Variants in DSCAML1 observed in about 807,000 individuals in gnomAD.
DSCAML1 encodes the protein DS cell adhesion molecule like 1, also known as cell adhesion molecule DSCAML1.
A neutral mutation model predicts 200.5 loss-of-function variants in DSCAML1; 38 were observed. That is an observed-to-expected ratio of 0.19 (90% CI 0.15 to 0.25). DSCAML1 has a LOEUF of 0.25. Ranked by LOEUF, DSCAML1 falls within the 10% of genes least tolerant of loss-of-function variation. The probability of loss-of-function intolerance (pLI) is 1.00; values close to 1 mark genes in which losing one functional copy is unlikely to be tolerated. For synonymous variants in DSCAML1, 1,215 were observed against 1,165.0 expected (o/e 1.04, Z -0.87); for missense variants, 2,223 against 2,858.8 (o/e 0.78, Z 5.07).
intron 3 of DSCAML1, among the ~76,000 whole-genome samples, chr11:117,742,961 G>T (rs567367042): frequency 2.8e-4 from 43 of 151,950 alleles, no homozygotes; most frequent in Non-Finnish European, 4.4e-4. Flanking sequence ...TCTCCCATGT[G>T]TCCCTTCTGG....
chr11:117,583,311 G>C (rs911742577), intron 3 of DSCAML1, among the ~76,000 whole-genome samples: 2 of 152,048 alleles, frequency 1.3e-5, no homozygotes, highest in Admixed American at 6.6e-5. Flanking sequence ...TGCCAGGCAG[G>C]TCTTAAACAT....
chr11:117,473,634 C>T (rs1175186519), intron 14 of DSCAML1, among the ~76,000 whole-genome samples: 1 of 152,224 alleles, frequency 6.6e-6, no homozygotes, highest in African/African-American at 2.4e-5. Flanking sequence ...CAAAACACCA[C>T]TTATAGCTGC....
intron 3 of DSCAML1, among the ~76,000 whole-genome samples, chr11:117,687,503 C>T (rs2053423979): frequency 6.8e-6 from 1 of 147,804 alleles, no homozygotes; most frequent in Non-Finnish European, 1.5e-5. Context: ...TGGGCTCAAG[C>T]AATTCTCCTG....
At chr11:117,754,795 A>G (rs920239862) in intron 3 of DSCAML1, among the ~76,000 whole-genome samples, 3 of 152,088 alleles carry the variant, frequency 2.0e-5, no homozygotes, top group Admixed American at 6.6e-5. Context: ...ATAGAAAATC[A>G]CAGCTTCCAA....
chr11:117,757,608 AC>A (rs2054718385), intron 3 of DSCAML1, among the ~76,000 whole-genome samples: 1 of 144,660 alleles, frequency 6.9e-6, no homozygotes, highest in Non-Finnish European at 1.5e-5. Flanking sequence ...ACACACACAC[AC>A]ACACACACAC....
chr11:117,672,110 A>AAG (rs1408382051), intron 3 of DSCAML1, among the ~76,000 whole-genome samples: 1 of 136,808 alleles, frequency 7.3e-6, no homozygotes, highest in Non-Finnish European at 1.7e-5. Context: ...CAGAAAAAAA[A>AAG]AAAAAAAAAA....
At chr11:117,755,510 G>A (rs946839515) in intron 3 of DSCAML1, among the ~76,000 whole-genome samples, 18 of 152,190 alleles carry the variant, frequency 1.2e-4, no homozygotes, top group Middle Eastern at 3.4e-3. Flanking sequence ...CCGTCTCCTC[G>A]GATTGTCATC....
chr11:117,453,726 ATTTCTTTC>A (rs142638370), intron 19 of DSCAML1, among the ~76,000 whole-genome samples: 11 of 136,206 alleles, frequency 8.1e-5, no homozygotes, highest in Admixed American at 1.5e-4. Context: ...TTAGGTGTGG[ATTTCTTTC>A]TTTCTTTCTT....
At chr11:117,635,447 G>T (rs964381684) in intron 3 of DSCAML1, among the ~76,000 whole-genome samples, 232 of 146,742 alleles carry the variant, frequency 1.6e-3, no homozygotes, top group Non-Finnish European at 1.3e-3. Context: ...TAGTGTGTGT[G>T]GTGTGTGTGT....
At chr11:117,474,041 C>T (rs2048739846) in intron 14 of DSCAML1, among the ~76,000 whole-genome samples, 1 of 152,056 alleles carries the variant, frequency 6.6e-6, no homozygotes, top group South Asian at 2.1e-4. Context: ...GATGAGTGCA[C>T]GCAGAGGGAG....
chr11:117,529,659 A>T (rs1327703423), intron 4 of DSCAML1, among the ~76,000 whole-genome samples: 1 of 150,850 alleles, frequency 6.6e-6, no homozygotes, highest in Non-Finnish European at 1.5e-5. Flanking sequence ...ACCACCTCCA[A>T]TGCACTGCCA....
intron 3 of DSCAML1, among the ~76,000 whole-genome samples, chr11:117,597,047 A>G (rs1035396322): frequency 2.0e-5 from 3 of 152,246 alleles, no homozygotes; most frequent in African/African-American, 7.2e-5. Flanking sequence ...TTATTATTGG[A>G]TGGTGCTGCG....
intron 3 of DSCAML1, among the ~76,000 whole-genome samples, chr11:117,597,598 A>G (rs989922149): frequency 6.6e-6 from 1 of 152,206 alleles, no homozygotes; most frequent in African/African-American, 2.4e-5. Context: ...ACAGGCGTGC[A>G]TCACCACATC....
chr11:117,572,350 AGGTGAGGAAATGTCACCCAGCTGGCT>A (rs2050861404), intron 3 of DSCAML1, among the ~76,000 whole-genome samples: 1 of 152,160 alleles, frequency 6.6e-6, no homozygotes, highest in Non-Finnish European at 1.5e-5. Context: ...TAGGCCTGGG[AGGTGAGGAAATGTCACCCAGCTGGCT>A]GGTGAGGAAG....
intron 3 of DSCAML1, among the ~76,000 whole-genome samples, chr11:117,742,917 T>C (rs1336643996): frequency 6.6e-6 from 1 of 152,166 alleles, no homozygotes; most frequent in African/African-American, 2.4e-5. Context: ...GCTGGGTTAC[T>C]TGTGATGTTG....
chr11:117,726,076 G>A (rs564427388), intron 3 of DSCAML1, among the ~76,000 whole-genome samples: 243 of 152,330 alleles, frequency 1.6e-3, no homozygotes, highest in Non-Finnish European at 2.8e-3. Context: ...AGAGGGCACC[G>A]CAGCCATAGG....
intron 3 of DSCAML1, among the ~76,000 whole-genome samples, chr11:117,557,594 C>T (rs1343006370): frequency 6.6e-6 from 1 of 152,254 alleles, no homozygotes; most frequent in African/African-American, 2.4e-5. Flanking sequence ...GTGCAATTTG[C>T]ATTTTCTGTC....
chr11:117,521,203 A>C lies in DSCAML1; in HGVS notation c.1140T>G (p.His380Gln), dbSNP rs1393609288. ...TAGCGAAGCACTGGTAGGCCCCGGA[A>C]TGGCTCTTCTGGGCCGAGGTGATGA... ...TLLITSAQKS[H>Q]SGAYQCFATR... Residue 380 changes from histidine (H) to glutamine (Q), a missense_variant, in exon 6 of 33, where the codon CAT (histidine) becomes CAG (glutamine). His to Gln is a conservative substitution (Grantham distance 24). Coordinates refer to ENST00000651296, the MANE Select transcript of DSCAML1 (RefSeq NM_020693.4). The C allele has an allele frequency of 6.2e-7, 1 of 1,614,152 alleles. No individual in the cohort carries two copies. Among genetic ancestry groups the C allele is most frequent in the South Asian group, 1.1e-5 (1 of 91,082 alleles).
chr11:117,508,573 G>C (rs2049555203), intron 8 of DSCAML1, among the ~76,000 whole-genome samples: 1 of 152,036 alleles, frequency 6.6e-6, no homozygotes, highest in Admixed American at 6.5e-5. Context: ...TCCTCGAGAT[G>C]CTTTGGGGTT....
Sources: gnomAD v4.1 joint callset for allele counts (sites outside exome capture counted in the v4.1 genomes callset) on GRCh38, gnomAD v4.1.1 for gene constraint, MANE v1.5 for transcripts, NCBI Gene and HGNC (gene_info 2026-07-23, HGNC 2026-07-21) for gene names.